OTOGL: variants seen among roughly 807,000 people sequenced by gnomAD.
The protein encoded by OTOGL is otogelin-like protein.
Under a neutral mutation model 318.5 loss-of-function variants are expected in OTOGL, and 285 were observed. That is an observed-to-expected ratio of 0.89 (90% confidence interval 0.81 to 0.99). The LOEUF (loss-of-function observed/expected upper bound fraction) is 0.99, where lower values mean the gene tolerates loss of function less well. Ranked by LOEUF, OTOGL falls within the 50% of genes least tolerant of loss-of-function variation. The pLI, the probability that OTOGL is intolerant of heterozygous loss-of-function variation, is 0.00. For synonymous variants in OTOGL, 987 were observed against 936.5 expected, an observed-to-expected ratio of 1.05 and a Z score of -0.99; for missense variants, 2,899 against 2,845.6, an observed-to-expected ratio of 1.02 and a Z score of -0.43.
intron 1 of OTOGL, among the ~76,000 whole-genome samples, chr12:80,102,492 C>T (rs1490909723): frequency 6.6e-6 from 1 of 152,172 alleles, no homozygotes; most frequent in African/African-American, 2.4e-5. Context: ...CACTTGATTA[C>T]CAAGTCCCGT....
intron 26 of OTOGL, among the ~76,000 whole-genome samples, chr12:80,280,804 T>C (rs990701337): frequency 1.3e-4 from 19 of 151,882 alleles, no homozygotes; most frequent in Non-Finnish European, 1.5e-5. Flanking sequence ...ATTTTAACAA[T>C]ATCGATTCTT....
intron 1 of OTOGL, among the ~76,000 whole-genome samples, chr12:80,171,237 C>A (rs1342347920): frequency 1.3e-5 from 2 of 151,926 alleles, no homozygotes; most frequent in African/African-American, 2.4e-5. Flanking sequence ...CCATGCCCAT[C>A]TAAATTTTTT....
intron 13 of OTOGL, among the ~76,000 whole-genome samples, chr12:80,252,550 C>T (rs1467715047): frequency 6.6e-6 from 1 of 152,084 alleles, no homozygotes; most frequent in Non-Finnish European, 1.5e-5. Context: ...TTTTCTGGCA[C>T]AATCTAGTAC....
At chr12:80,161,969 G>A (rs1241157116) in intron 1 of OTOGL, among the ~76,000 whole-genome samples, 1 of 152,064 alleles carries the variant, frequency 6.6e-6, no homozygotes, top group African/African-American at 2.4e-5. Context: ...CCAATGTTTG[G>A]ATTTAAATAA....
At chr12:80,297,064 A>G in intron 27 of OTOGL, 103 bp downstream of exon 27, 1 of 1,107,324 alleles carries the variant, frequency 9.0e-7, no homozygotes, top group Non-Finnish European at 1.2e-6. Context: ...TGGTCATGAG[A>G]TCTATGTTGT....
intron 29 of OTOGL, among the ~76,000 whole-genome samples, chr12:80,307,658 G>A (rs1886259907): frequency 6.9e-6 from 1 of 144,954 alleles, no homozygotes; most frequent in Admixed American, 6.7e-5. Flanking sequence ...TGGCCGGGCA[G>A]AGTGGCTCCT....
intron 1 of OTOGL, among the ~76,000 whole-genome samples, chr12:80,108,816 T>C (rs1324919134): frequency 1.5e-5 from 2 of 135,490 alleles, no homozygotes; most frequent in Non-Finnish European, 3.1e-5. Flanking sequence ...TATATATGTG[T>C]ATATATATGT....
intron 35 of OTOGL, among the ~76,000 whole-genome samples, chr12:80,327,604 C>G (rs528001845): frequency 6.6e-6 from 1 of 151,748 alleles, no homozygotes; most frequent in African/African-American, 2.4e-5. Flanking sequence ...TCTACAAACA[C>G]CGTCAAGGCA....
At chr12:80,329,023 T>C (rs770278010) in intron 36 of OTOGL, 28 bp from the exon 37 acceptor site, 2 of 1,563,550 alleles carry the variant, frequency 1.3e-6, no homozygotes, top group Non-Finnish European at 1.7e-6. Flanking sequence ...AATACAGTTT[T>C]ATAAAGAGCA....
At chr12:80,274,795 C>A (rs1426731950) in intron 24 of OTOGL, among the ~76,000 whole-genome samples, 4 of 151,944 alleles carry the variant, frequency 2.6e-5, no homozygotes, top group Non-Finnish European at 4.4e-5. Context: ...TTCAAAAAAT[C>A]CTAGGGCCCT....
Position 80,266,446 on chromosome 12 carries a change from C to G in OTOGL, c.2225-5C>G, listed in dbSNP as rs757740186. The stretch of plus-strand genomic sequence containing the variant: ...CTTTCTCAAGTGATACTTCTTTGTC[C>G]TTAGCTGTGGTGTGCCAGAAGGGCA... On this transcript the variant is annotated splice_polypyrimidine_tract_variant and splice_region_variant and intron_variant, in intron 20 of 58. Coordinates refer to ENST00000547103, the MANE Select transcript of OTOGL (RefSeq NM_001378609.3). The G allele has an allele frequency of 2.9e-5, 46 of 1,612,954 alleles. No homozygotes were observed. The highest frequency in any genetic ancestry group is 3.6e-5 in the Non-Finnish European group (43 of 1,179,462).
chr12:80,135,576 C>T lies in OTOGL; in HGVS notation c.-20+35971C>T, dbSNP rs184388457. Among the ~76,000 whole-genome samples the T allele has an allele frequency of 5.6e-4, 85 of 152,080 alleles. 1 individual carries two copies. The East Asian group carries it at 0.012, about 22-fold the overall frequency. On this transcript the variant is annotated intron_variant, in intron 1 of 58. Transcript: ENST00000547103. Reference sequence around the variant, plus strand: ...GCATGAGCCATCATGCCTGGCCTATCGAATACTTTCATTTCTGAATGACAG... The same window carrying T: ...GCATGAGCCATCATGCCTGGCCTATTGAATACTTTCATTTCTGAATGACAG...
intron 7 of OTOGL, among the ~76,000 whole-genome samples, chr12:80,227,464 C>T (rs1878963823): frequency 6.6e-6 from 1 of 152,106 alleles, no homozygotes; most frequent in African/African-American, 2.4e-5. Flanking sequence ...CATCAAATGA[C>T]TAATGATTCA....
At position 80,356,654 on chromosome 12, in the gene OTOGL, A is replaced by C. The variant is rs939028180; in HGVS notation, c.5911+134A>C. The C allele has an allele frequency of 8.6e-5, 64 of 743,158 alleles. No homozygotes were observed. In the African/African-American group the frequency reaches 1.1e-3, roughly 13 times the overall value. The allele number at this position is 743,158 out of a possible 1,614,324, so 46.0% of individuals were successfully genotyped here. On this transcript the variant is annotated intron_variant, in intron 48 of 58. Transcript: ENST00000547103. ...TGCGGACTTGTCTTGCTAATTTTTT[A>C]AACCTGGTATATATCTTTCATATAT...
chr12:80,217,584 TC>T lies in OTOGL; in HGVS notation c.169-13del. 1 of 1,500,880 alleles carries T rather than the reference TC, an allele frequency of 6.7e-7. No homozygotes were observed. The highest frequency in any genetic ancestry group is 2.3e-5 in the East Asian group (1 of 43,274). The allele number at this position is 1,500,880 out of a possible 1,614,324, so 93.0% of individuals were successfully genotyped here. ...AATTTAACTGTATTGCATTCTCATT[TC>T]TTTCTTTCAAAGTTTGAAGCTACTT... On this transcript the variant is annotated splice_polypyrimidine_tract_variant and intron_variant, in intron 4 of 58. Transcript: ENST00000547103.
chr12:80,347,732 C>T (rs1001492373), intron 44 of OTOGL, among the ~76,000 whole-genome samples: 1 of 152,112 alleles, frequency 6.6e-6, no homozygotes, highest in Non-Finnish European at 1.5e-5. Flanking sequence ...AATTTACACT[C>T]CCACCGACAG....
intron 18 of OTOGL, among the ~76,000 whole-genome samples, chr12:80,260,077 A>G (rs77418319): frequency 0.027 from 4,125 of 152,054 alleles, 204 homozygotes; most frequent in African/African-American, 0.093. Flanking sequence ...TGGTCTTTGT[A>G]TTCTTAGGAA....
At chr12:80,327,833 C>A (rs1887783394) in intron 35 of OTOGL, among the ~76,000 whole-genome samples, 1 of 151,210 alleles carries the variant, frequency 6.6e-6, no homozygotes, top group Non-Finnish European at 1.5e-5. Flanking sequence ...GTGGCGGGTG[C>A]CTGTAGTCCC....
At chr12:80,283,623 A>C (rs1039154152) in intron 26 of OTOGL, among the ~76,000 whole-genome samples, 2 of 151,986 alleles carry the variant, frequency 1.3e-5, no homozygotes, top group African/African-American at 4.8e-5. Flanking sequence ...GAAGCTAAAA[A>C]ATTACTTGTT....
Sources: allele counts gnomAD v4.1 joint callset (sites outside exome capture counted in the v4.1 genomes callset), GRCh38; gene constraint gnomAD v4.1.1; transcripts MANE v1.5; gene names NCBI Gene and HGNC (gene_info 2026-07-23, HGNC 2026-07-21).